The following MPPED1 variants were observed in gnomAD, a reference collection of about 807,000 sequenced individuals.
MPPED1 encodes metallophosphoesterase domain-containing protein 1.
MPPED1 carries 16 observed loss-of-function variants against 36.2 expected under a neutral mutation model. That is an observed-to-expected ratio of 0.44 (90% CI 0.30 to 0.67). The LOEUF is 0.67. Among genes scored for constraint, MPPED1 ranks in the 30% least tolerant of loss-of-function variants. The pLI is 0.10. For synonymous variants in MPPED1, 199 were observed against 191.3 expected, an observed-to-expected ratio of 1.04 and a Z score of -0.33; for missense variants, 307 against 453.4, an observed-to-expected ratio of 0.68 and a Z score of 2.93.
chr22:43,414,231 T>A (rs931261524), intron 1 of MPPED1, among the ~76,000 whole-genome samples: 7 of 152,226 alleles, frequency 4.6e-5, no homozygotes, highest in Admixed American at 4.6e-4. Flanking sequence ...TAAATCTTCA[T>A]CCAATGAATG....
At chr22:43,436,418 AG>A (rs1392227317) in intron 3 of MPPED1, among the ~76,000 whole-genome samples, 1 of 152,238 alleles carries the variant, frequency 6.6e-6, no homozygotes. Context: ...GCGGTGAGCC[AG>A]GGGCCCGACT....
chr22:43,427,548 G>A (rs2146822974), intron 2 of MPPED1, among the ~76,000 whole-genome samples: 1 of 152,268 alleles, frequency 6.6e-6, no homozygotes, highest in East Asian at 1.9e-4. Flanking sequence ...CTGAGGGAGG[G>A]TGGTGAATGA....
intron 1 of MPPED1, among the ~76,000 whole-genome samples, chr22:43,423,499 G>T (rs1929350441): frequency 6.6e-6 from 1 of 152,222 alleles, no homozygotes; most frequent in Non-Finnish European, 1.5e-5. Context: ...GTCTCTGCAG[G>T]TGGAGAAGAG....
At chr22:43,469,003 A>C (rs1931268558) in intron 3 of MPPED1, among the ~76,000 whole-genome samples, 1 of 152,146 alleles carries the variant, frequency 6.6e-6, no homozygotes, top group Non-Finnish European at 1.5e-5. Flanking sequence ...GGTGCTCTGT[A>C]GAGAGGCTTT....
intron 3 of MPPED1, among the ~76,000 whole-genome samples, chr22:43,446,390 CAT>C (rs1930347115): frequency 6.6e-6 from 1 of 152,002 alleles, no homozygotes; most frequent in African/African-American, 2.4e-5. Flanking sequence ...AAACAGCTGT[CAT>C]ATGATGGGGG....
At chr22:43,497,885 G>A (rs1165089842) in intron 4 of MPPED1, among the ~76,000 whole-genome samples, 3 of 143,352 alleles carry the variant, frequency 2.1e-5, no homozygotes, top group African/African-American at 8.3e-5. Context: ...TTCTTAGAAA[G>A]GCTTGGAGCA....
chr22:43,470,743 G>A (rs1931347186), intron 3 of MPPED1, among the ~76,000 whole-genome samples: 1 of 152,226 alleles, frequency 6.6e-6, no homozygotes, highest in Non-Finnish European at 1.5e-5. Flanking sequence ...CTCTCTCTGG[G>A]CCTCAGTTTC....
intron 2 of MPPED1, among the ~76,000 whole-genome samples, chr22:43,427,798 C>T (rs1929529546): frequency 6.6e-6 from 1 of 152,042 alleles, no homozygotes; most frequent in Non-Finnish European, 1.5e-5. Context: ...CTGAAATTCC[C>T]CTTGCCGTGC....
At chr22:43,484,020 C>G (rs1040550140) in intron 4 of MPPED1, among the ~76,000 whole-genome samples, 1 of 152,214 alleles carries the variant, frequency 6.6e-6, no homozygotes, top group Non-Finnish European at 1.5e-5. Context: ...CTTAAGTGGC[C>G]GAGGCCTCCC....
intron 4 of MPPED1, among the ~76,000 whole-genome samples, chr22:43,480,053 G>A (rs1931700429): frequency 6.6e-6 from 1 of 152,100 alleles, no homozygotes; most frequent in Admixed American, 6.5e-5. Context: ...TTGTAGAGAT[G>A]GGGTCTCATG....
At chr22:43,417,878 G>A (rs1318062012) in intron 1 of MPPED1, 7 of 363,048 alleles carry the variant, frequency 1.9e-5, no homozygotes, top group African/African-American at 4.3e-5. Context: ...AAGAGGAGAC[G>A]GAGCCAAGGT....
intron 3 of MPPED1, among the ~76,000 whole-genome samples, chr22:43,457,785 A>G (rs1930806443): frequency 6.6e-6 from 1 of 152,164 alleles, no homozygotes. Context: ...ACTGTGCTCT[A>G]ATGTAGAGTT....
chr22:43,479,066 G>T (rs1931665436), intron 4 of MPPED1, among the ~76,000 whole-genome samples: 1 of 152,144 alleles, frequency 6.6e-6, no homozygotes, highest in African/African-American at 2.4e-5. Flanking sequence ...CGAGTGGGGT[G>T]TGGGGGGGTT....
intron 3 of MPPED1, among the ~76,000 whole-genome samples, chr22:43,439,164 T>C (rs1269649025): frequency 6.6e-6 from 1 of 152,200 alleles, no homozygotes; most frequent in African/African-American, 2.4e-5. Context: ...CTGTGACTGG[T>C]GTCTATGCAT....
At chr22:43,424,481 T>C (rs1443523225) in intron 1 of MPPED1, among the ~76,000 whole-genome samples, 1 of 152,166 alleles carries the variant, frequency 6.6e-6, no homozygotes, top group Non-Finnish European at 1.5e-5. Context: ...GGGAGGGTTG[T>C]AGGAGAATCC....
At chr22:43,423,403 G>C (rs1013932978) in intron 1 of MPPED1, among the ~76,000 whole-genome samples, 4 of 152,326 alleles carry the variant, frequency 2.6e-5, no homozygotes, top group African/African-American at 9.6e-5. Context: ...CACCTGCAGG[G>C]AGAGCCAATT....
chr22:43,488,070 A>G (rs1931967513), intron 4 of MPPED1, among the ~76,000 whole-genome samples: 1 of 152,044 alleles, frequency 6.6e-6, no homozygotes. Flanking sequence ...AGTGGAGGCC[A>G]TGGTGGCAGC....
chr22:43,451,532 G>A (rs1437237957), intron 3 of MPPED1, among the ~76,000 whole-genome samples: 5 of 152,202 alleles, frequency 3.3e-5, no homozygotes, highest in Non-Finnish European at 5.9e-5. Flanking sequence ...GCGGAAGGCC[G>A]TTTGGAGCTA....
intron 4 of MPPED1, among the ~76,000 whole-genome samples, chr22:43,479,149 G>T (rs375613657): frequency 2.2e-4 from 33 of 152,192 alleles, no homozygotes; most frequent in African/African-American, 7.5e-4. Context: ...GGCCACCCGG[G>T]CATATGGCAG....
Sources: gnomAD v4.1 joint callset for allele counts (sites outside exome capture counted in the v4.1 genomes callset) on GRCh38, gnomAD v4.1.1 for gene constraint, MANE v1.5 for transcripts, NCBI Gene and HGNC (gene_info 2026-07-23, HGNC 2026-07-21) for gene names.